SUPT3H: variants seen among roughly 807,000 people sequenced by gnomAD.
The protein encoded by SUPT3H is SPT3 homolog, SAGA and STAGA complex component.
A neutral mutation model predicts 44.3 loss-of-function variants in SUPT3H; 44 were observed. The ratio of observed to expected loss-of-function variants is 0.99; its 90% CI spans 0.78 to 1.28. The LOEUF (loss-of-function observed/expected upper bound fraction) is 1.28, where lower values mean the gene tolerates loss of function less well. SUPT3H is among the 50% of genes most tolerant of loss of function. The pLI is 0.00. For synonymous variants in SUPT3H, 124 were observed against 125.6 expected, an observed-to-expected ratio of 0.99 and a Z score of 0.09; for missense variants, 380 against 387.1, an observed-to-expected ratio of 0.98 and a Z score of 0.15.
At chr6:45,169,528 T>C (rs1375165902) in intron 2 of SUPT3H, among the ~76,000 whole-genome samples, 1 of 152,198 alleles carries the variant, frequency 6.6e-6, no homozygotes, top group Non-Finnish European at 1.5e-5. Flanking sequence ...CTATCCAAAA[T>C]ATTGCTTGAA....
chr6:45,184,619 C>T (rs1361991245), intron 2 of SUPT3H, among the ~76,000 whole-genome samples: 2 of 151,876 alleles, frequency 1.3e-5, no homozygotes, highest in African/African-American at 2.4e-5. Flanking sequence ...CACAGGACAT[C>T]GCTGAAAGGT....
intron 10 of SUPT3H, among the ~76,000 whole-genome samples, chr6:44,894,928 G>T (rs1024728803): frequency 6.6e-6 from 1 of 151,650 alleles, no homozygotes; most frequent in Non-Finnish European, 1.5e-5. Context: ...AGTTCTTATA[G>T]AACTTTTAAT....
At position 45,192,841 on chromosome 6, in the gene SUPT3H, C is replaced by T. The variant is rs147760650; in HGVS notation, c.102-86835G>A. ...AAAGAAAATCAGAAATATAAAATTC[C>T]ATAAGATTTAAGACACAAAAATAAT... On this transcript the variant is annotated intron_variant, in intron 2 of 10. Transcript: ENST00000371459. 6.5e-3 allele frequency among the ~76,000 whole-genome samples: 993 copies of T among 152,100 alleles called. 9 individuals carry two copies. Among genetic ancestry groups the T allele is most frequent in the Non-Finnish European group, 0.01 (695 of 67,964 alleles).
intron 2 of SUPT3H, among the ~76,000 whole-genome samples, chr6:45,117,655 A>G (rs1023849263): frequency 6.6e-6 from 1 of 152,142 alleles, no homozygotes; most frequent in Non-Finnish European, 1.5e-5. Flanking sequence ...TTGTCACCAA[A>G]AACAATGGCT....
chr6:44,813,008 G>A (rs1766641525), intron 11 of SUPT3H, among the ~76,000 whole-genome samples: 1 of 152,142 alleles, frequency 6.6e-6, no homozygotes, highest in Non-Finnish European at 1.5e-5. Flanking sequence ...ATCTTATTGG[G>A]TTAGGGGTTA....
chr6:45,124,337 A>T (rs1056678401), intron 2 of SUPT3H, among the ~76,000 whole-genome samples: 1 of 152,172 alleles, frequency 6.6e-6, no homozygotes. Context: ...TTAAATTGTA[A>T]AAGTACAGTT....
In SUPT3H at chr6:44,996,623, A is replaced by G. The variant is rs1190333528; in HGVS notation, c.504+7030T>C. On this transcript the variant is annotated intron_variant, in intron 6 of 10. Transcript: ENST00000371459. ...GAAAATTCCTAAAAGAAACTTCTTA[A>G]AAGTTTGAACTTAGCATTTCACAAA... 2.0e-5 allele frequency among the ~76,000 whole-genome samples: 3 copies of G among 151,890 alleles called. No homozygotes were observed. In the East Asian group the frequency reaches 5.8e-4, roughly 29 times the overall value.
At chr6:45,232,684 C>A (rs1288579913) in intron 2 of SUPT3H, among the ~76,000 whole-genome samples, 3 of 152,280 alleles carry the variant, frequency 2.0e-5, no homozygotes, top group African/African-American at 7.2e-5. Context: ...GATGTTGACA[C>A]TGGCTACAGT....
intron 2 of SUPT3H, among the ~76,000 whole-genome samples, chr6:45,135,097 G>C (rs1022241108): frequency 5.3e-5 from 8 of 152,164 alleles, no homozygotes; most frequent in African/African-American, 1.2e-4. Context: ...CCATGGCTGA[G>C]GTGGACAAGA....
intron 4 of SUPT3H, among the ~76,000 whole-genome samples, chr6:45,019,043 CAG>C (rs1784726595): frequency 6.6e-6 from 1 of 152,144 alleles, no homozygotes; most frequent in African/African-American, 2.4e-5. Flanking sequence ...TTGGTCTATT[CAG>C]AGATTCAACT....
At chr6:45,071,383 T>C (rs1367831465) in intron 3 of SUPT3H, among the ~76,000 whole-genome samples, 1 of 152,188 alleles carries the variant, frequency 6.6e-6, no homozygotes, top group Non-Finnish European at 1.5e-5. Flanking sequence ...AAACTCTTTA[T>C]TATTTTCCTG....
chr6:45,282,100 T>C (rs1778227003), intron 2 of SUPT3H, among the ~76,000 whole-genome samples: 1 of 151,916 alleles, frequency 6.6e-6, no homozygotes, highest in Admixed American at 6.6e-5. Context: ...GTCACTATCA[T>C]CAAAGACCAA....
chr6:45,064,599 A>G (rs1202124723), intron 3 of SUPT3H, among the ~76,000 whole-genome samples: 99 of 142,558 alleles, frequency 6.9e-4, no homozygotes, highest in African/African-American at 2.6e-3. Flanking sequence ...GGCTCAAAAT[A>G]AAAGGATGGA....
At chr6:44,992,149 G>A (rs547786552) in intron 6 of SUPT3H, among the ~76,000 whole-genome samples, 2 of 152,208 alleles carry the variant, frequency 1.3e-5, no homozygotes, top group African/African-American at 4.8e-5. Flanking sequence ...CTTTGCCAAG[G>A]TGTTTTACAA....
At chr6:45,181,985 T>C (rs1813330846) in intron 2 of SUPT3H, among the ~76,000 whole-genome samples, 1 of 152,158 alleles carries the variant, frequency 6.6e-6, no homozygotes, top group African/African-American at 2.4e-5. Context: ...AGTTGTATTC[T>C]CAAAGGCACA....
chr6:44,951,438 A>G (rs1774295267), intron 9 of SUPT3H, among the ~76,000 whole-genome samples: 1 of 152,066 alleles, frequency 6.6e-6, no homozygotes, highest in Non-Finnish European at 1.5e-5. Flanking sequence ...CAGGCCCTTG[A>G]TGTTAGCTGC....
At chr6:44,931,633 G>T (rs568867773) in intron 10 of SUPT3H, among the ~76,000 whole-genome samples, 2 of 152,094 alleles carry the variant, frequency 1.3e-5, no homozygotes, top group South Asian at 4.2e-4. Flanking sequence ...TATTAAAAGT[G>T]CAAAGTTTCA....
chr6:45,219,494 C>G (rs1162189649), intron 2 of SUPT3H, among the ~76,000 whole-genome samples: 2 of 152,058 alleles, frequency 1.3e-5, no homozygotes, highest in Non-Finnish European at 2.9e-5. Flanking sequence ...AAAGGGAATA[C>G]TACAAACAAC....
At chr6:45,199,534 C>T (rs568431989) in intron 2 of SUPT3H, among the ~76,000 whole-genome samples, 280 of 151,118 alleles carry the variant, frequency 1.9e-3, no homozygotes, top group African/African-American at 6.6e-3. Flanking sequence ...AGCAAAAATA[C>T]TTCGTCATCC....
Sources: allele counts gnomAD v4.1 joint callset (sites outside exome capture counted in the v4.1 genomes callset), GRCh38; gene constraint gnomAD v4.1.1; transcripts MANE v1.5; gene names NCBI Gene and HGNC (gene_info 2026-07-23, HGNC 2026-07-21).